SWT1: variants seen among roughly 807,000 people sequenced by gnomAD.
SWT1 encodes the protein transcriptional protein SWT1.
SWT1 carries 33 observed loss-of-function variants against 107.3 expected under a neutral mutation model. That is an observed-to-expected ratio of 0.31 (90% CI 0.23 to 0.41). SWT1 has a LOEUF of 0.41. Among genes scored for constraint, SWT1 ranks in the 10% least tolerant of loss-of-function variants. The pLI, the probability that SWT1 is intolerant of heterozygous loss-of-function variation, is 1.00. For synonymous variants in SWT1, 345 were observed against 348.3 expected (o/e 0.99, Z 0.11); for missense variants, 898 against 1,028.9 (o/e 0.87, Z 1.74).
chr1:185,176,115 C>T (rs151210996), intron 5 of SWT1, among the ~76,000 whole-genome samples: 6 of 151,838 alleles, frequency 4.0e-5, no homozygotes, highest in African/African-American at 7.2e-5. Flanking sequence ...CATACCGAGA[C>T]GGGTCTCAAC....
intron 1 of SWT1, chr1:185,157,707 C>T (rs1346828915): frequency 6.6e-6 from 1 of 152,610 alleles, no homozygotes; most frequent in African/African-American, 2.4e-5. Context: ...CTTTAGTCTT[C>T]ATGTTGCCAG....
chr1:185,210,072 GT>G (rs70977742), intron 13 of SWT1, among the ~76,000 whole-genome samples: 1 of 151,942 alleles, frequency 6.6e-6, no homozygotes, highest in Non-Finnish European at 1.5e-5. Context: ...TGATGGGGTT[GT>G]TTTTTTCTTG....
rs766831070 is a variant in SWT1, at chr1:185,290,830, T to TG, written c.*28dup. 5.6e-5 allele frequency: 89 copies of TG among 1,586,072 alleles called. No individual in the cohort carries two copies. Among genetic ancestry groups the TG allele is most frequent in the Non-Finnish European group, 7.1e-5 (83 of 1,164,530 alleles). On this transcript the variant is annotated 3_prime_UTR_variant, in exon 19 of 19. Coordinates refer to ENST00000367500, the MANE Select transcript of SWT1 (RefSeq NM_017673.7). ...TACTGATTTGTAACTTTAAAGGAAT[T>TG]GCATTTGTCCTTAAGAATAACAGAG...
At chr1:185,251,710 A>G (rs959842526) in intron 16 of SWT1, among the ~76,000 whole-genome samples, 6 of 151,658 alleles carry the variant, frequency 4.0e-5, no homozygotes, top group African/African-American at 1.5e-4. Flanking sequence ...AACCATTTGG[A>G]GTCATTATTT....
intron 14 of SWT1, among the ~76,000 whole-genome samples, chr1:185,219,914 T>C (rs773856071): frequency 2.7e-4 from 41 of 152,104 alleles, no homozygotes; most frequent in Non-Finnish European, 5.6e-4. Context: ...GGTGGGCAGA[T>C]TGGTTGTGCC....
chr1:185,290,641 C>A, intron 18 of SWT1, 33 bp from the exon 19 acceptor site: 2 of 1,508,156 alleles, frequency 1.3e-6, no homozygotes, highest in Non-Finnish European at 8.9e-7. Flanking sequence ...GACTAGCTGT[C>A]TTGCAATGAT....
chr1:185,278,134 C>T (rs1664372473), intron 18 of SWT1, among the ~76,000 whole-genome samples: 1 of 152,076 alleles, frequency 6.6e-6, no homozygotes, highest in Non-Finnish European at 1.5e-5. Context: ...AGCCGCAAAT[C>T]CAATTCTTAC....
chr1:185,180,263 C>A, intron 5 of SWT1, 128 bp from the exon 6 acceptor site: 1 of 697,798 alleles, frequency 1.4e-6, no homozygotes, highest in Non-Finnish European at 2.5e-6. Context: ...ATGCTGCTAA[C>A]CATCCTGCAA....
At chr1:185,170,889 T>A (rs1478976121) in intron 4 of SWT1, among the ~76,000 whole-genome samples, 1 of 152,166 alleles carries the variant, frequency 6.6e-6, no homozygotes. Context: ...AAACCTGCAT[T>A]TTATTGACAC....
intron 16 of SWT1, among the ~76,000 whole-genome samples, chr1:185,234,197 C>T (rs1479923608): frequency 1.3e-5 from 2 of 152,130 alleles, no homozygotes; most frequent in Non-Finnish European, 2.9e-5. Context: ...ATTGATCTGT[C>T]TAATATTGAC....
chr1:185,250,621 T>G (rs1016074708), intron 16 of SWT1, among the ~76,000 whole-genome samples: 1 of 152,196 alleles, frequency 6.6e-6, no homozygotes, highest in Non-Finnish European at 1.5e-5. Context: ...ACTCCAAATG[T>G]CTAAAACTAA....
At chr1:185,248,376 G>A (rs879315637) in intron 16 of SWT1, among the ~76,000 whole-genome samples, 4 of 152,000 alleles carry the variant, frequency 2.6e-5, no homozygotes, top group East Asian at 1.9e-4. Flanking sequence ...TGCAGGATAC[G>A]ATTTTATGAT....
intron 2 of SWT1, among the ~76,000 whole-genome samples, chr1:185,163,941 T>C (rs1654368429): frequency 6.6e-6 from 1 of 152,326 alleles, no homozygotes; most frequent in Admixed American, 6.5e-5. Context: ...TCAATTTACT[T>C]TGCCTGGATC....
At chr1:185,231,471 T>G (rs935794615) in intron 15 of SWT1, 106 bp from the exon 16 acceptor site, 5 of 800,998 alleles carry the variant, frequency 6.2e-6, no homozygotes, top group Non-Finnish European at 1.0e-5. Context: ...TCTGAGAGAT[T>G]AGTGATAATA....
chr1:185,202,959 G>T (rs1658006318), intron 11 of SWT1, among the ~76,000 whole-genome samples, 160 bp downstream of exon 11: 1 of 152,176 alleles, frequency 6.6e-6, no homozygotes, highest in South Asian at 2.1e-4. Context: ...TGGAAGTTAT[G>T]ATGGTAATCC....
chr1:185,231,450 T>C, intron 15 of SWT1, 127 bp from the exon 16 acceptor site: 2 of 721,744 alleles, frequency 2.8e-6, no homozygotes, highest in Non-Finnish European at 4.7e-6. Flanking sequence ...CTAATTTAAA[T>C]AGATCAGCAT....
chr1:185,202,577 T>G, intron 10 of SWT1, 77 bp from the exon 11 acceptor site: 3 of 1,249,052 alleles, frequency 2.4e-6, no homozygotes, highest in Non-Finnish European at 3.4e-6. Flanking sequence ...TGACTAGATC[T>G]CATGTGTTTT....
At chr1:185,241,019 T>G (rs1661220952) in intron 16 of SWT1, among the ~76,000 whole-genome samples, 1 of 152,056 alleles carries the variant, frequency 6.6e-6, no homozygotes, top group African/African-American at 2.4e-5. Context: ...TTTATTAACT[T>G]CGCCTCTTTG....
At position 185,223,225 on chromosome 1, in the gene SWT1, TGTTG is replaced by T. The variant is rs1659806448; in HGVS notation, c.2309+1193_2309+1196del. ...CATTGCCAACACTTGTTTTTTTGTTTGTTGGTTTTTTTGAGGCAGGGTCTCGCTC... is the reference window on the plus strand; with the variant it reads ...CATTGCCAACACTTGTTTTTTTGTTTGTTTTTTTGAGGCAGGGTCTCGCTC... On this transcript the variant is annotated intron_variant, in intron 15 of 18. Transcript: ENST00000367500. Among the ~76,000 whole-genome samples the T allele has an allele frequency of 2.0e-5, 3 of 152,314 alleles. No homozygotes were observed. In the South Asian group the frequency reaches 6.2e-4, roughly 32 times the overall value.
Sources: gnomAD v4.1 joint callset for allele counts (sites outside exome capture counted in the v4.1 genomes callset) on GRCh38, gnomAD v4.1.1 for gene constraint, MANE v1.5 for transcripts, NCBI Gene and HGNC (gene_info 2026-07-23, HGNC 2026-07-21) for gene names.